The following CFAP77 variants were observed in gnomAD, a reference collection of about 807,000 sequenced individuals.
CFAP77 encodes cilia- and flagella-associated protein 77.
Under a neutral mutation model 31.1 loss-of-function variants are expected in CFAP77, and 25 were observed. The observed-to-expected ratio is 0.80, with a 90% CI of 0.59 to 1.12. The LOEUF is 1.12. Ranked by LOEUF, CFAP77 falls within the 50% of genes most tolerant of loss-of-function variation. The probability of loss-of-function intolerance (pLI) is 0.00; values close to 1 mark genes in which losing one functional copy is unlikely to be tolerated. For synonymous variants in CFAP77, 151 were observed against 159.9 expected, an observed-to-expected ratio of 0.94 and a Z score of 0.42; for missense variants, 377 against 397.3, an observed-to-expected ratio of 0.95 and a Z score of 0.44.
At chr9:132,537,764 C>T in intron 4 of CFAP77, 58 bp downstream of exon 4, 1 of 1,311,390 alleles carries the variant, frequency 7.6e-7, no homozygotes, top group African/African-American at 1.5e-5. Context: ...GAGAGAAGGG[C>T]TGGCCAGGGC....
chr9:132,488,344 C>T (rs866597488), intron 1 of CFAP77, among the ~76,000 whole-genome samples: 22 of 152,190 alleles, frequency 1.4e-4, no homozygotes, highest in Admixed American at 3.3e-4. Flanking sequence ...GCTATCTCAG[C>T]AACAAAGCCA....
chr9:132,499,482 C>T lies in CFAP77; in HGVS notation c.406C>T (p.Arg136Trp), dbSNP rs149346027. 1.5e-4 allele frequency: 250 copies of T among 1,614,168 alleles called. 1 individual carries two copies. In the African/African-American group the frequency reaches 2.6e-3, roughly 17 times the overall value. Residue 136 changes from arginine (R) to tryptophan (W), a missense_variant, in exon 3 of 6, where the codon CGG becomes TGG. Transcript: ENST00000393216. The surrounding 1 kb of genome is among the most constrained non-coding windows in gnomAD (Gnocchi z 5.4). ...GGTGAAAGCCGGCCTGGTGACTGCCCGGGAGAACTTGCTCTACCGTCAGCT... is the reference window on the plus strand; with the variant it reads ...GGTGAAAGCCGGCCTGGTGACTGCCTGGGAGAACTTGCTCTACCGTCAGCT... ...GAVKAGLVTA[R>W]ENLLYRQLND... is the part of the protein sequence containing the mutation.
At chr9:132,569,711 A>C (rs1172496745) in intron 5 of CFAP77, among the ~76,000 whole-genome samples, 2 of 144,540 alleles carry the variant, frequency 1.4e-5, no homozygotes, top group African/African-American at 5.2e-5. Context: ...CTGTCTTCCT[A>C]AGTGTCTCTA....
chr9:132,567,448 G>A (rs994838616), intron 5 of CFAP77, among the ~76,000 whole-genome samples: 2 of 152,188 alleles, frequency 1.3e-5, no homozygotes, highest in Non-Finnish European at 2.9e-5. Context: ...GTCCTTGTGT[G>A]GTTAGACTGA....
At chr9:132,508,436 C>T (rs531879063) in intron 3 of CFAP77, among the ~76,000 whole-genome samples, 44 of 152,166 alleles carry the variant, frequency 2.9e-4, no homozygotes, top group Middle Eastern at 3.4e-3. Context: ...AGAAGGGAGC[C>T]GTCAGGATGA....
Position 132,486,016 on chromosome 9 carries a change from A to G in CFAP77, c.196-12679A>G, listed in dbSNP as rs866535333. On this transcript the variant is annotated intron_variant, in intron 1 of 5. Transcript: ENST00000393216. ...TATATATATATATATATATATATATATATATATATATATATATATATATAT... is the reference window on the plus strand; with the variant it reads ...TATATATATATATATATATATATATGTATATATATATATATATATATATAT... Among the ~76,000 whole-genome samples, 65 of 16,324 alleles carry G rather than the reference A, an allele frequency of 4.0e-3. 4 individuals carry two copies. The highest frequency in any genetic ancestry group is 0.016 in the African/African-American group (36 of 2,224). 10.7% of individuals were successfully genotyped at this position (16,324 alleles called of 152,430 possible). A position where few individuals can be genotyped will look rare whatever the true frequency, so the allele number is the denominator to read the frequency against.
Position 132,499,627 on chromosome 9 carries a change from A to C in CFAP77, c.524+27A>C, listed in dbSNP as rs916503737. ...TAAGGTGGCTGGCAGCCAGGGCTTC[A>C]TCCCTTGAGGGGGTGGAGGTACCAG... On this transcript the variant is annotated intron_variant, in intron 3 of 5. Transcript: ENST00000393216. This position sits in a 1 kb window ranked among gnomAD's most constrained non-coding sequence, Gnocchi z 5.4. 6 of 1,606,932 alleles carry C rather than the reference A, an allele frequency of 3.7e-6. No individual in the cohort carries two copies. The African/African-American group carries it at 6.7e-5, about 18-fold the overall frequency.
At chr9:132,563,294 G>A (rs557497504) in intron 5 of CFAP77, among the ~76,000 whole-genome samples, 1 of 152,222 alleles carries the variant, frequency 6.6e-6, no homozygotes, top group Non-Finnish European at 1.5e-5. Flanking sequence ...AGTTACAAGT[G>A]TGAGCCACTG....
At chr9:132,431,375 T>C (rs787878) in intron 1 of CFAP77, among the ~76,000 whole-genome samples, 80,777 of 152,028 alleles carry the variant, frequency 0.53, 23,786 homozygotes, top group African/African-American at 0.79. Context: ...ATATTTGACA[T>C]GCAAAGAAAT....
intron 1 of CFAP77, among the ~76,000 whole-genome samples, chr9:132,445,868 C>CAAAAAAAAAAAAAAA (rs559749361): frequency 1.6e-5 from 1 of 64,438 alleles, no homozygotes. Flanking sequence ...GACTCGATCT[C>CAAAAAAAAAAAAAAA]AAAAAAAAAA....
intron 1 of CFAP77, among the ~76,000 whole-genome samples, chr9:132,475,522 G>A (rs912585019): frequency 1.1e-4 from 17 of 152,180 alleles, no homozygotes; most frequent in South Asian, 6.2e-4. Context: ...AATTGCCTTC[G>A]TTTTTGCCAG....
At chr9:132,570,787 G>A (rs1762090961) in intron 5 of CFAP77, among the ~76,000 whole-genome samples, 1 of 152,142 alleles carries the variant, frequency 6.6e-6, no homozygotes, top group South Asian at 2.1e-4. Flanking sequence ...TGAGGTGTAG[G>A]CAGCACCCTA....
At chr9:132,475,638 G>T (rs374562173) in intron 1 of CFAP77, among the ~76,000 whole-genome samples, 8 of 152,116 alleles carry the variant, frequency 5.3e-5, no homozygotes, top group African/African-American at 1.9e-4. Context: ...TGGGCTGGCA[G>T]CTTTCCCTAC....
At chr9:132,534,529 G>A (rs764806384) in intron 3 of CFAP77, among the ~76,000 whole-genome samples, 95 of 150,016 alleles carry the variant, frequency 6.3e-4, no homozygotes, top group Admixed American at 1.2e-3. Context: ...GGAGAATGGC[G>A]TGAACCCAGG....
chr9:132,499,630 C>T lies in CFAP77; in HGVS notation c.524+30C>T. 1.9e-6 allele frequency: 3 copies of T among 1,601,840 alleles called. No individual in the cohort carries two copies. Among genetic ancestry groups the T allele is most frequent in the Non-Finnish European group, 2.6e-6 (3 of 1,168,950 alleles). ...GGTGGCTGGCAGCCAGGGCTTCATC[C>T]CTTGAGGGGGTGGAGGTACCAGCTC... is the stretch of plus-strand genomic sequence containing the variant. On this transcript the variant is annotated intron_variant, in intron 3 of 5. Coordinates refer to ENST00000393216, the MANE Select transcript of CFAP77 (RefSeq NM_001282957.2). This position sits in a 1 kb window ranked among gnomAD's most constrained non-coding sequence, Gnocchi z 5.4.
intron 1 of CFAP77, among the ~76,000 whole-genome samples, chr9:132,468,251 G>T (rs780909612): frequency 3.3e-5 from 5 of 152,106 alleles, no homozygotes; most frequent in Non-Finnish European, 7.4e-5. Context: ...GAGGCTGAGG[G>T]GGGAGGATTG....
At chr9:132,560,708 C>T (rs952539531) in intron 5 of CFAP77, among the ~76,000 whole-genome samples, 1 of 152,160 alleles carries the variant, frequency 6.6e-6, no homozygotes, top group African/African-American at 2.4e-5. Context: ...GTCCTTGGGC[C>T]GGTGTCGTAT....
chr9:132,444,695 A>T (rs1047748604), intron 1 of CFAP77, among the ~76,000 whole-genome samples: 2 of 152,148 alleles, frequency 1.3e-5, no homozygotes, highest in Admixed American at 6.6e-5. Flanking sequence ...TAAAATACTG[A>T]CTTTTGCAGG....
intron 1 of CFAP77, among the ~76,000 whole-genome samples, chr9:132,429,583 G>A (rs1482991792): frequency 2.1e-5 from 3 of 146,030 alleles, no homozygotes; most frequent in South Asian, 2.2e-4. Context: ...AGTGGCTCAT[G>A]CCTGTAATCC....
Sources: allele counts gnomAD v4.1 joint callset (sites outside exome capture counted in the v4.1 genomes callset), GRCh38; gene constraint gnomAD v4.1.1; non-coding constraint Gnocchi (gnomAD v3.1); transcripts MANE v1.5; gene names NCBI Gene and HGNC (gene_info 2026-07-23, HGNC 2026-07-21).